Variants in ALDH1L1 observed in about 807,000 individuals in gnomAD.
The protein encoded by ALDH1L1 is aldehyde dehydrogenase 1 family member L1.
ALDH1L1 carries 68 observed loss-of-function variants against 101.1 expected under a neutral mutation model. That is an observed-to-expected ratio of 0.67 (90% CI 0.55 to 0.82). ALDH1L1 has a LOEUF of 0.82. Ranked by LOEUF, ALDH1L1 falls within the 40% of genes least tolerant of loss-of-function variation. The pLI is 0.00. For synonymous variants in ALDH1L1, 486 were observed against 470.8 expected (o/e 1.03, Z -0.42); for missense variants, 1,087 against 1,172.7 (o/e 0.93, Z 1.07).
At chr3:126,105,548 C>T (rs1390938438) in intron 22 of ALDH1L1, 178 bp downstream of exon 22, 4 of 730,666 alleles carry the variant, frequency 5.5e-6, no homozygotes, top group Admixed American at 4.1e-5. Context: ...CCCCCCTCTG[C>T]AAGCATCTTG....
upstream of ALDH1L1, among the ~76,000 whole-genome samples, chr3:126,185,134 G>A (rs1236417411): frequency 6.6e-6 from 1 of 152,176 alleles, no homozygotes; most frequent in African/African-American, 2.4e-5. Flanking sequence ...CCACACACCA[G>A]AGCCCACCTG....
chr3:126,148,537 G>A (rs1004033510), intron 8 of ALDH1L1, among the ~76,000 whole-genome samples: 1 of 152,110 alleles, frequency 6.6e-6, no homozygotes, highest in African/African-American at 2.4e-5. Flanking sequence ...CCTGGAGGCC[G>A]AGTGCAGCTG....
rs907366654 is a variant in ALDH1L1, at chr3:126,157,518, A to G, written c.363-10T>C. ...TCCGTGAATGAGGGTCCTAGGAAGCAGAAGAGTGAAACCTGGAGTCCACGA... is the reference window on the plus strand; with the variant it reads ...TCCGTGAATGAGGGTCCTAGGAAGCGGAAGAGTGAAACCTGGAGTCCACGA... On this transcript the variant is annotated splice_polypyrimidine_tract_variant and intron_variant, in intron 3 of 22. Transcript: ENST00000393434. 3.1e-6 allele frequency: 5 copies of G among 1,612,280 alleles called. No individual in the cohort carries two copies. The African/African-American group carries it at 6.7e-5, about 22-fold the overall frequency.
upstream of ALDH1L1, chr3:126,181,222 C>G (rs1344427845): frequency 6.7e-6 from 4 of 594,218 alleles, no homozygotes; most frequent in South Asian, 2.0e-5. Flanking sequence ...CTGGCCAGCC[C>G]GGTCTCAGGC....
chr3:126,158,542 A>T lies in ALDH1L1; in HGVS notation c.225T>A (p.Ala75=), dbSNP rs200361725. Residue 75 remains alanine (A), a synonymous_variant, in exon 3 of 23, where the codon GCT becomes GCA. Coordinates refer to ENST00000393434, the MANE Select transcript of ALDH1L1 (RefSeq NM_012190.4). ...GCAGGACGTTGAGCTCGGCCCCCAA[A>T]GCCTGGTATTTTGCCACCACATCAG... ...ALPDVVAKYQ[A]LGAELNVLPF... is the part of the protein sequence containing the mutation. 145 of 1,614,176 alleles carry T rather than the reference A, an allele frequency of 9.0e-5. 3 individuals are homozygous for T. In the Middle Eastern group the frequency reaches 2.5e-3, roughly 28 times the overall value.
chr3:126,155,117 C>T (rs1223888669), intron 5 of ALDH1L1, among the ~76,000 whole-genome samples: 4 of 152,152 alleles, frequency 2.6e-5, no homozygotes, highest in African/African-American at 7.2e-5. Context: ...ACGTTTTGCC[C>T]CCTAACTCCC....
chr3:126,158,860 AC>A (rs1280377934), intron 2 of ALDH1L1, among the ~76,000 whole-genome samples: 14 of 152,066 alleles, frequency 9.2e-5, no homozygotes, highest in Middle Eastern at 3.4e-3. Flanking sequence ...GAACCCCAGG[AC>A]CTCTGAGTGC....
chr3:126,105,695 G>C lies in ALDH1L1; in HGVS notation c.2653+31C>G, dbSNP rs762696268. On this transcript the variant is annotated intron_variant, in intron 22 of 22. Transcript: ENST00000393434. ...ACAGATGTTTGTTGAATGAATAAAT[G>C]AAAGCAACCCCACAGGCAGGAGTAG... The C allele has an allele frequency of 3.1e-6, 5 of 1,612,680 alleles. No individual in the cohort carries two copies. The African/African-American group carries it at 6.7e-5, about 22-fold the overall frequency.
intron 12 of ALDH1L1, among the ~76,000 whole-genome samples, chr3:126,134,388 A>C (rs1025145847): frequency 1.3e-5 from 2 of 152,220 alleles, no homozygotes; most frequent in Admixed American, 6.5e-5. Context: ...GCGGTCCACC[A>C]AACGCGCACG....
intron 14 of ALDH1L1, among the ~76,000 whole-genome samples, chr3:126,127,118 T>G (rs1235106562): frequency 6.6e-6 from 1 of 152,166 alleles, no homozygotes; most frequent in East Asian, 1.9e-4. Flanking sequence ...TTCCATTGAT[T>G]AGGCCCTGGA....
rs372611218 is a variant in ALDH1L1 at position 126,160,883 on chromosome 3, G to A, written c.97C>T (p.Pro33Ser). The change falls in exon 2 of 23, where the codon CCA (proline) becomes TCA (serine). Residue 33 changes from proline to serine, a missense_variant. By Grantham distance (74) the Pro-to-Ser change is moderately conservative (BLOSUM62 -1). Coordinates refer to ENST00000393434, the MANE Select transcript of ALDH1L1 (RefSeq NM_012190.4). ...GGGTCGGCCTTTCCATCCTTGTCTGGAACAGTGAACACACCCACCACTTCG... is the reference window on the plus strand; with the variant it reads ...GGGTCGGCCTTTCCATCCTTGTCTGAAACAGTGAACACACCCACCACTTCG... ...GHEVVGVFTV[P>S]DKDGKADPLG... is the part of the protein sequence containing the mutation. 26 of 1,614,102 alleles carry A rather than the reference G, an allele frequency of 1.6e-5. No individual in the cohort carries two copies. The highest frequency in any genetic ancestry group is 2.1e-5 in the Non-Finnish European group (25 of 1,180,036).
chr3:126,146,814 C>G (rs759016372), intron 9 of ALDH1L1, 21 bp downstream of exon 9: 1 of 1,611,480 alleles, frequency 6.2e-7, no homozygotes, highest in African/African-American at 1.3e-5. Context: ...TGGGACAGGA[C>G]CCCTCCACTC....
intron 9 of ALDH1L1, among the ~76,000 whole-genome samples, chr3:126,139,584 T>C (rs186393186): frequency 2.6e-5 from 4 of 152,238 alleles, no homozygotes; most frequent in African/African-American, 9.6e-5. Flanking sequence ...AGATCAGATA[T>C]CGGAATTATT....
intron 7 of ALDH1L1, 40 bp from the exon 8 acceptor site, chr3:126,150,571 T>C (rs1380061549): frequency 6.5e-7 from 1 of 1,531,596 alleles, no homozygotes; most frequent in African/African-American, 1.4e-5. Context: ...TTTTCTTTTT[T>C]TGAGACAGAG....
In ALDH1L1 at chr3:126,125,688, G is replaced by A. The variant is rs766927576; in HGVS notation, c.1728C>T (p.Pro576=). 4 of 1,594,930 alleles carry A rather than the reference G, an allele frequency of 2.5e-6. No homozygotes were observed. Among genetic ancestry groups the A allele is most frequent in the South Asian group, 2.3e-5 (2 of 88,170 alleles). ...CTGTCTTCCAGGACAGCATCATCAGGGGATAGTTCCAGGGGATGATGATGC... is the reference window on the plus strand; with the variant it reads ...CTGTCTTCCAGGACAGCATCATCAGAGGATAGTTCCAGGGGATGATGATGC... ...VCGIIIPWNY[P]LMMLSWKTAA... The change falls in exon 15 of 23, where the codon CCC becomes CCT. Residue 576 remains proline, a synonymous_variant. Transcript: ENST00000393434.
chr3:126,172,140 G>C (rs1227530657), intron 1 of ALDH1L1, among the ~76,000 whole-genome samples: 1 of 152,132 alleles, frequency 6.6e-6, no homozygotes, highest in Non-Finnish European at 1.5e-5. Flanking sequence ...ATCTACCTCA[G>C]TACCTTTTAC....
upstream of ALDH1L1, among the ~76,000 whole-genome samples, chr3:126,185,812 G>A (rs746967506): frequency 2.6e-5 from 4 of 152,162 alleles, no homozygotes; most frequent in Non-Finnish European, 5.9e-5. Flanking sequence ...ATTTTGCAAA[G>A]TAAAAACATC....
intron 17 of ALDH1L1, 135 bp from the exon 18 acceptor site, chr3:126,114,791 A>ACCCCCCCCCCCCCCCCCCCCC: frequency 1.2e-5 from 7 of 600,064 alleles, no homozygotes; most frequent in South Asian, 5.8e-5. Context: ...GTGCCTCCCC[A>ACCCCCCCCCCCCCCCCCCCCC]CTCCCCCCCA....
At chr3:126,146,810 A>G (rs753396414) in intron 9 of ALDH1L1, 25 bp downstream of exon 9, 1 of 1,611,036 alleles carries the variant, frequency 6.2e-7, no homozygotes, top group Admixed American at 1.7e-5. Flanking sequence ...TACCTGGGAC[A>G]GGACCCCTCC....
Sources: allele counts gnomAD v4.1 joint callset (sites outside exome capture counted in the v4.1 genomes callset), GRCh38; gene constraint gnomAD v4.1.1; transcripts MANE v1.5; gene names NCBI Gene and HGNC (gene_info 2026-07-23, HGNC 2026-07-21).